The following XKR6 variants were observed in gnomAD, a reference collection of about 807,000 sequenced individuals.
XKR6 encodes XK-related protein 6.
Under a neutral mutation model 56.7 loss-of-function variants are expected in XKR6, and 22 were observed. The observed-to-expected ratio is 0.39, with a 90% CI of 0.28 to 0.55. XKR6 has a LOEUF of 0.55. Among genes scored for constraint, XKR6 ranks in the 20% least tolerant of loss-of-function variants. The probability of loss-of-function intolerance (pLI) is 0.66; values close to 1 mark genes in which losing one functional copy is unlikely to be tolerated. For missense variants in XKR6, 852 were observed against 889.0 expected, an observed-to-expected ratio of 0.96 and a Z score of 0.53; for synonymous variants, 524 against 387.8, an observed-to-expected ratio of 1.35 and a Z score of -4.13.
rs569168849 is a variant in XKR6, at chr8:11,017,990, C to G, written c.765-93160G>C. Among the ~76,000 whole-genome samples, 50 of 152,258 alleles carry G rather than the reference C, an allele frequency of 3.3e-4. 1 individual carries two copies. The highest frequency in any genetic ancestry group is 1.1e-3 in the African/African-American group (44 of 41,534). On this transcript the variant is annotated intron_variant, in intron 1 of 2. Coordinates refer to ENST00000416569, the MANE Select transcript of XKR6 (RefSeq NM_173683.4). The stretch of plus-strand genomic sequence containing the variant: ...TCCCATCTCCTCTGTTATACCTGTC[C>G]CCAGGCACCTGAAATGACAAAGGTG...
At chr8:11,055,551 C>T (rs537902056) in intron 1 of XKR6, among the ~76,000 whole-genome samples, 6 of 152,320 alleles carry the variant, frequency 3.9e-5, no homozygotes, top group African/African-American at 1.4e-4. Flanking sequence ...GGGTTCCGCC[C>T]GCCCCGCCTC....
chr8:11,108,678 T>G (rs1798772847), intron 1 of XKR6: 1 of 214,484 alleles, frequency 4.7e-6, no homozygotes, highest in Middle Eastern at 1.8e-3. Flanking sequence ...GGAAAAGCAA[T>G]GAGCGACCTT....
chr8:11,034,381 G>C (rs771091917), intron 1 of XKR6, among the ~76,000 whole-genome samples: 1 of 152,182 alleles, frequency 6.6e-6, no homozygotes, highest in East Asian at 1.9e-4. Flanking sequence ...CATGGGTAAA[G>C]GTACAAGGCA....
intron 1 of XKR6, among the ~76,000 whole-genome samples, chr8:11,114,507 G>A (rs1799063968): frequency 6.6e-6 from 1 of 152,068 alleles, no homozygotes; most frequent in South Asian, 2.1e-4. Flanking sequence ...GATTACAGGT[G>A]CCCACCACCA....
At chr8:11,133,199 G>C (rs1401900283) in intron 1 of XKR6, among the ~76,000 whole-genome samples, 2 of 152,106 alleles carry the variant, frequency 1.3e-5, no homozygotes, top group South Asian at 4.1e-4. Context: ...TCAGTCATCA[G>C]AAGTAAGGTA....
chr8:11,137,496 GCTACA>G, intron 1 of XKR6: 1 of 453,606 alleles, frequency 2.2e-6, no homozygotes, highest in Non-Finnish European at 4.4e-6. Flanking sequence ...TAGAATCTCT[GCTACA>G]CTAACCTAGG....
intron 1 of XKR6, among the ~76,000 whole-genome samples, chr8:11,087,084 CCTCA>C (rs1313405846): frequency 6.6e-6 from 1 of 152,154 alleles, no homozygotes; most frequent in Non-Finnish European, 1.5e-5. Context: ...CCAGTCCTGC[CCTCA>C]CTCTACTCTG....
intron 1 of XKR6, among the ~76,000 whole-genome samples, chr8:10,940,421 AC>A (rs1801351990): frequency 6.6e-6 from 1 of 152,208 alleles, no homozygotes; most frequent in South Asian, 2.1e-4. Flanking sequence ...CATGTGCCAA[AC>A]CAGGAGGGCT....
At chr8:10,915,554 C>T (rs1474056026) in intron 2 of XKR6, among the ~76,000 whole-genome samples, 2 of 151,914 alleles carry the variant, frequency 1.3e-5, no homozygotes, top group Admixed American at 6.6e-5. Flanking sequence ...CGCCATTGGT[C>T]GGTAGGGCGA....
At chr8:10,964,019 C>A (rs1802140312) in intron 1 of XKR6, among the ~76,000 whole-genome samples, 1 of 152,234 alleles carries the variant, frequency 6.6e-6, no homozygotes, top group South Asian at 2.1e-4. Context: ...AGGGTGGTGG[C>A]AGGGACTGCA....
intron 1 of XKR6, among the ~76,000 whole-genome samples, chr8:10,958,395 G>C (rs1801961871): frequency 6.6e-6 from 1 of 152,198 alleles, no homozygotes; most frequent in Non-Finnish European, 1.5e-5. Flanking sequence ...TGCTTCATTT[G>C]GTGAAATCAA....
At chr8:11,181,148 G>C (rs1394934779) in intron 1 of XKR6, among the ~76,000 whole-genome samples, 1 of 152,124 alleles carries the variant, frequency 6.6e-6, no homozygotes, top group Non-Finnish European at 1.5e-5. Flanking sequence ...GAAATGGTTG[G>C]TTAATGTCCA....
At chr8:11,015,874 G>A (rs757469888) in intron 1 of XKR6, among the ~76,000 whole-genome samples, 2 of 152,176 alleles carry the variant, frequency 1.3e-5, no homozygotes, top group Non-Finnish European at 2.9e-5. Context: ...TGCTGTGCCC[G>A]AGGCGCCCCA....
At chr8:11,142,250 T>C (rs889261963) in intron 1 of XKR6, among the ~76,000 whole-genome samples, 1 of 152,308 alleles carries the variant, frequency 6.6e-6, no homozygotes, top group Middle Eastern at 3.4e-3. Context: ...CTAGGACTTC[T>C]TTGAAAATGG....
chr8:10,965,537 C>A (rs1802193216), intron 1 of XKR6, among the ~76,000 whole-genome samples: 1 of 152,226 alleles, frequency 6.6e-6, no homozygotes, highest in Non-Finnish European at 1.5e-5. Context: ...ACATACTCAT[C>A]GTACATGAGC....
chr8:10,934,868 G>T (rs1022046839), intron 1 of XKR6, among the ~76,000 whole-genome samples: 9 of 144,350 alleles, frequency 6.2e-5, no homozygotes, highest in Non-Finnish European at 9.1e-5. Flanking sequence ...CTCTTTTTTC[G>T]TTGTGTCTCT....
intron 1 of XKR6, among the ~76,000 whole-genome samples, chr8:11,016,819 C>A (rs1351931799): frequency 6.6e-6 from 1 of 152,214 alleles, no homozygotes; most frequent in Non-Finnish European, 1.5e-5. Flanking sequence ...GCCAGCCGAG[C>A]CCAAAAGGCC....
intron 1 of XKR6, chr8:11,137,781 T>C (rs1162100570): frequency 9.0e-6 from 4 of 442,600 alleles, no homozygotes; most frequent in African/African-American, 4.1e-5. Context: ...CTCTTTACCA[T>C]TTCCCCTTAA....
At chr8:10,968,431 C>T (rs10111178) in intron 1 of XKR6, among the ~76,000 whole-genome samples, 13,623 of 152,322 alleles carry the variant, frequency 0.089, 1,182 homozygotes, top group African/African-American at 0.23. Context: ...GTGCTCTCCC[C>T]AGCTTTGTGC....
Sources: allele counts gnomAD v4.1 joint callset (sites outside exome capture counted in the v4.1 genomes callset), GRCh38; gene constraint gnomAD v4.1.1; transcripts MANE v1.5; gene names NCBI Gene and HGNC (gene_info 2026-07-23, HGNC 2026-07-21).